Variants in TNFAIP8 observed in about 807,000 individuals in gnomAD.
TNFAIP8 encodes tumor necrosis factor alpha-induced protein 8.
Under a neutral mutation model 13.3 loss-of-function variants are expected in TNFAIP8, and 7 were observed. That is an observed-to-expected ratio of 0.52 (90% confidence interval 0.30 to 0.99). The LOEUF (loss-of-function observed/expected upper bound fraction) is 0.99. TNFAIP8 is among the 50% of genes least tolerant of loss of function. The pLI is 0.07. For synonymous variants in TNFAIP8, 94 were observed against 87.6 expected (o/e 1.07, Z -0.41); for missense variants, 258 against 236.9 (o/e 1.09, Z -0.58).
chr5:119,334,243 C>T (rs962265799), intron 1 of TNFAIP8, among the ~76,000 whole-genome samples: 1 of 151,440 alleles, frequency 6.6e-6, no homozygotes, highest in Non-Finnish European at 1.5e-5. Flanking sequence ...CACAAGTAGA[C>T]TTAATTTTAT....
chr5:119,282,478 A>G (rs1414305698), intron 1 of TNFAIP8, among the ~76,000 whole-genome samples: 1 of 152,140 alleles, frequency 6.6e-6, no homozygotes, highest in Non-Finnish European at 1.5e-5. Flanking sequence ...TGCAGCACCC[A>G]TTGGTTCTGG....
At chr5:119,372,990 TGTTA>T (rs1217412869) in intron 1 of TNFAIP8, among the ~76,000 whole-genome samples, 3 of 152,184 alleles carry the variant, frequency 2.0e-5, no homozygotes, top group African/African-American at 7.2e-5. Flanking sequence ...AATAAAGTTA[TGTTA>T]GTTAACACTG....
At chr5:119,294,723 G>T (rs1172188762) in intron 1 of TNFAIP8, among the ~76,000 whole-genome samples, 1 of 152,080 alleles carries the variant, frequency 6.6e-6, no homozygotes, top group Non-Finnish European at 1.5e-5. Context: ...ACTTTTTAAT[G>T]ATTGCCATTC....
chr5:119,319,489 A>G (rs1387177255), intron 1 of TNFAIP8, among the ~76,000 whole-genome samples: 2 of 152,162 alleles, frequency 1.3e-5, no homozygotes, highest in Non-Finnish European at 2.9e-5. Flanking sequence ...CTCCTATCTG[A>G]GAGTCTGAGT....
intron 1 of TNFAIP8, among the ~76,000 whole-genome samples, chr5:119,325,606 C>T (rs533581365): frequency 3.0e-4 from 45 of 152,346 alleles, no homozygotes; most frequent in Non-Finnish European, 6.2e-4. Context: ...CGCCACCATA[C>T]CCGGCTAATT....
Position 119,392,861 on chromosome 5 carries a change from A to G in TNFAIP8, c.77A>G (p.Gln26Arg). ...FNSKNLAVQA[Q>R]KKILGKMVSK... The stretch of plus-strand genomic sequence containing the variant: ...TCCAAAAACCTGGCCGTTCAGGCAC[A>G]AAAGAAGATCTTGGGTAAAATGGTG... Residue 26 changes from glutamine (Q) to arginine (R), a missense_variant, in exon 2 of 2, where the codon CAA (glutamine) becomes CGA (arginine). Physicochemically the swap from Gln to Arg is conservative, Grantham distance 43. Transcript: ENST00000504771. The G allele has an allele frequency of 6.4e-7, 1 of 1,563,978 alleles. No individual in the cohort carries two copies. Among genetic ancestry groups the G allele is most frequent in the Non-Finnish European group, 8.7e-7 (1 of 1,154,182 alleles).
chr5:119,313,093 G>A (rs1430476004), intron 1 of TNFAIP8, among the ~76,000 whole-genome samples: 2 of 152,158 alleles, frequency 1.3e-5, no homozygotes, highest in Non-Finnish European at 2.9e-5. Context: ...ACACTGAGAA[G>A]ATATTATATG....
intron 1 of TNFAIP8, 63 bp from the exon 2 acceptor site, chr5:119,392,753 G>A: frequency 6.9e-7 from 1 of 1,458,336 alleles, no homozygotes. Context: ...CCTGTTTTTA[G>A]TTCGCTTCAC....
intron 1 of TNFAIP8, among the ~76,000 whole-genome samples, chr5:119,390,891 T>C (rs953173683): frequency 1.3e-5 from 2 of 152,088 alleles, no homozygotes; most frequent in African/African-American, 4.8e-5. Context: ...CAATCACTGC[T>C]CACTGCAGCC....
At chr5:119,362,933 C>T (rs569588473) in intron 1 of TNFAIP8, among the ~76,000 whole-genome samples, 1 of 152,118 alleles carries the variant, frequency 6.6e-6, no homozygotes, top group Non-Finnish European at 1.5e-5. Flanking sequence ...GTATAAGGAG[C>T]CTCGCCAAGA....
rs1401478469 is a variant in TNFAIP8, at chr5:119,393,491, A to T, written c.*110A>T. On this transcript the variant is annotated 3_prime_UTR_variant, in exon 2 of 2. Transcript: ENST00000504771. ...TAAAGATTACACATATTTCAGAAAG[A>T]CTTTACCCAATTCAGTTGTCAGACA... is the stretch of plus-strand genomic sequence containing the variant. 9.4e-7 allele frequency: 1 copy of T among 1,069,000 alleles called. No individual in the cohort carries two copies. The highest frequency in any genetic ancestry group is 2.4e-5 in the East Asian group (1 of 41,538). The allele number at this position is 1,069,000 out of a possible 1,614,324, so 66.2% of individuals were successfully genotyped here.
intron 1 of TNFAIP8, among the ~76,000 whole-genome samples, chr5:119,293,667 G>T (rs1406470105): frequency 6.6e-6 from 1 of 152,104 alleles, no homozygotes; most frequent in Non-Finnish European, 1.5e-5. Flanking sequence ...TCATTTAATT[G>T]TACACTTACA....
chr5:119,317,693 G>A (rs901338718), intron 1 of TNFAIP8, among the ~76,000 whole-genome samples: 2 of 151,868 alleles, frequency 1.3e-5, no homozygotes, highest in Non-Finnish European at 2.9e-5. Flanking sequence ...CCACCTCCCA[G>A]GTTCAAATGA....
intron 1 of TNFAIP8, among the ~76,000 whole-genome samples, chr5:119,366,619 A>G (rs1237407574): frequency 1.3e-5 from 2 of 152,222 alleles, no homozygotes; most frequent in Admixed American, 6.5e-5. Flanking sequence ...TGACATCGTG[A>G]TGCCCATTTC....
intron 1 of TNFAIP8, among the ~76,000 whole-genome samples, chr5:119,376,359 G>A (rs1203013217): frequency 8.2e-6 from 1 of 121,984 alleles, no homozygotes; most frequent in African/African-American, 4.0e-5. Flanking sequence ...CACCTCAGGT[G>A]ATCCGCCCAC....
At chr5:119,344,071 A>G (rs533569979) in intron 1 of TNFAIP8, among the ~76,000 whole-genome samples, 5 of 152,224 alleles carry the variant, frequency 3.3e-5, no homozygotes, top group Non-Finnish European at 7.3e-5. Flanking sequence ...AGAAGTTGGT[A>G]CTTCAGCTGG....
At chr5:119,324,894 G>A (rs988693434) in intron 1 of TNFAIP8, among the ~76,000 whole-genome samples, 2 of 151,920 alleles carry the variant, frequency 1.3e-5, no homozygotes, top group African/African-American at 4.8e-5. Flanking sequence ...TGTAGCCTTT[G>A]TGAAGAGTTC....
rs566605897 is a variant in TNFAIP8 at position 119,284,194 on chromosome 5, G to A, written c.1+15287G>A. On this transcript the variant is annotated intron_variant, in intron 1 of 1. Coordinates refer to the TNFAIP8 transcript ENST00000274456. ...TACCCAAGGTCAGAGGCAATCTGAT[G>A]TTCAAATCCGGTGGTTTCTAACCAT... is the stretch of plus-strand genomic sequence containing the variant. Among the ~76,000 whole-genome samples the A allele has an allele frequency of 2.1e-4, 32 of 152,274 alleles. 1 individual carries two copies. In the South Asian group the frequency reaches 6.6e-3, roughly 32 times the overall value.
intron 1 of TNFAIP8, among the ~76,000 whole-genome samples, chr5:119,364,073 G>C (rs1751736612): frequency 6.6e-6 from 1 of 152,156 alleles, no homozygotes; most frequent in Admixed American, 6.5e-5. Context: ...ACCTCCAGGT[G>C]GGATGAAGTC....
Sources: gnomAD v4.1 joint callset for allele counts (sites outside exome capture counted in the v4.1 genomes callset) on GRCh38, gnomAD v4.1.1 for gene constraint, MANE v1.5 for transcripts, NCBI Gene and HGNC (gene_info 2026-07-23, HGNC 2026-07-21) for gene names.